PCDH15: variants seen among roughly 807,000 people sequenced by gnomAD.
The protein encoded by PCDH15 is protocadherin-15.
Under a neutral mutation model 178.5 loss-of-function variants are expected in PCDH15, and 129 were observed. The ratio of observed to expected loss-of-function variants is 0.72; its 90% CI spans 0.63 to 0.84. PCDH15 has a LOEUF of 0.84. PCDH15 is among the 40% of genes least tolerant of loss of function. PCDH15 has a pLI of 0.00. For synonymous variants in PCDH15, 800 were observed against 732.0 expected (o/e 1.09, Z -1.50); for missense variants, 2,230 against 2,099.9 (o/e 1.06, Z -1.21).
intron 2 of PCDH15, among the ~76,000 whole-genome samples, chr10:55,442,503 A>ATATATAT (rs1839220582): frequency 1.5e-5 from 2 of 131,316 alleles, no homozygotes; most frequent in East Asian, 6.2e-4. Context: ...ATATATATGT[A>ATATATAT]AGCTGGGGCT....
At chr10:55,093,849 C>T (rs1842378707) in intron 2 of PCDH15, among the ~76,000 whole-genome samples, 1 of 152,096 alleles carries the variant, frequency 6.6e-6, no homozygotes, top group Admixed American at 6.6e-5. Context: ...GAGATACCAT[C>T]TCACACCAGT....
intron 21 of PCDH15, chr10:53,994,822 A>G (rs1316319512): frequency 6.6e-6 from 1 of 152,140 alleles, no homozygotes; most frequent in African/African-American, 2.4e-5. Context: ...TTCACTTTTA[A>G]TTAAATACAA....
intron 2 of PCDH15, among the ~76,000 whole-genome samples, chr10:55,568,035 A>G (rs1001353015): frequency 6.6e-6 from 1 of 152,068 alleles, no homozygotes; most frequent in African/African-American, 2.4e-5. Context: ...ATTCAACATG[A>G]AATTACCATA....
intron 2 of PCDH15, among the ~76,000 whole-genome samples, chr10:55,080,673 G>A (rs913891156): frequency 2.0e-5 from 3 of 152,110 alleles, no homozygotes; most frequent in Admixed American, 6.6e-5. Context: ...CTACCAGAGT[G>A]GGTAAGATCA....
At chr10:53,921,023 TTAAC>T (rs1296674950) in intron 25 of PCDH15, among the ~76,000 whole-genome samples, 1 of 152,218 alleles carries the variant, frequency 6.6e-6, no homozygotes, top group African/African-American at 2.4e-5. Context: ...TGGAAGCAAT[TTAAC>T]TACAACTACT....
intron 8 of PCDH15, among the ~76,000 whole-genome samples, chr10:54,263,862 G>A (rs930773848): frequency 6.6e-6 from 1 of 152,142 alleles, no homozygotes; most frequent in Non-Finnish European, 1.5e-5. Context: ...ACTAGGAGAG[G>A]CAGAACCACT....
intron 1 of PCDH15, among the ~76,000 whole-genome samples, chr10:55,297,691 G>A (rs1843167547): frequency 6.6e-6 from 1 of 152,064 alleles, no homozygotes; most frequent in South Asian, 2.1e-4. Context: ...CTTAAAGCTG[G>A]AAAACTGAAT....
chr10:55,621,051 T>G (rs2132170518), intron 2 of PCDH15, among the ~76,000 whole-genome samples: 1 of 152,136 alleles, frequency 6.6e-6, no homozygotes, highest in African/African-American at 2.4e-5. Context: ...AAAACCATTT[T>G]TAAACAGGAA....
At chr10:54,185,392 C>A in intron 11 of PCDH15, 124 bp from the exon 12 acceptor site, 2 of 1,089,072 alleles carry the variant, frequency 1.8e-6, no homozygotes, top group Non-Finnish European at 1.4e-6. Context: ...GAATTTCTAA[C>A]GATAAAAGAT....
intron 36 of PCDH15, 121 bp from the exon 37 acceptor site, chr10:53,810,785 T>TATCA (rs2075836610): frequency 2.3e-6 from 2 of 886,814 alleles, no homozygotes; most frequent in Non-Finnish European, 3.7e-6. Flanking sequence ...ACACAGCACC[T>TATCA]ATCAGGCTCC....
intron 34 of PCDH15, 127 bp downstream of exon 34, chr10:53,817,868 A>T (rs2076122135): frequency 2.5e-6 from 1 of 395,076 alleles, no homozygotes; most frequent in South Asian, 1.3e-4. Flanking sequence ...ATAGCATAAC[A>T]TACTAATATG....
chr10:53,806,488 A>G lies in PCDH15; in HGVS notation c.*91T>C. The G allele has an allele frequency of 5.3e-6, 6 of 1,133,268 alleles. No individual in the cohort carries two copies. Among genetic ancestry groups the G allele is most frequent in the Non-Finnish European group, 7.4e-6 (6 of 810,092 alleles). 70.2% of individuals were successfully genotyped at this position (1,133,268 alleles called of 1,614,324 possible). A position where few individuals can be genotyped will look rare whatever the true frequency, so the allele number is the denominator to read the frequency against. Reference sequence around the variant, plus strand: ...GTTTTAGCTTGTGTGCATGATATAAATTCCATACATTGTTTTCTCAGTGAC... The same window carrying G: ...GTTTTAGCTTGTGTGCATGATATAAGTTCCATACATTGTTTTCTCAGTGAC... On this transcript the variant is annotated 3_prime_UTR_variant, in exon 38 of 38. Coordinates refer to ENST00000644397, the MANE Select transcript of PCDH15 (RefSeq NM_001384140.1).
At chr10:54,454,612 G>A (rs2076699810) in intron 3 of PCDH15, among the ~76,000 whole-genome samples, 3 of 151,920 alleles carry the variant, frequency 2.0e-5, no homozygotes, top group Non-Finnish European at 2.9e-5. Flanking sequence ...ATGGTTCAAT[G>A]TGGTGTTTTA....
chr10:55,450,581 A>T (rs2132080235), intron 2 of PCDH15, among the ~76,000 whole-genome samples: 1 of 151,644 alleles, frequency 6.6e-6, no homozygotes, highest in Non-Finnish European at 1.5e-5. Flanking sequence ...ATGTTGTACA[A>T]TTTTTTTTTA....
At chr10:55,238,423 T>A (rs1192977084) in intron 1 of PCDH15, among the ~76,000 whole-genome samples, 3 of 152,128 alleles carry the variant, frequency 2.0e-5, no homozygotes, top group Non-Finnish European at 4.4e-5. Context: ...GTGCTGGGAT[T>A]AAAGGCGTGA....
chr10:54,163,024 G>A (rs952092798), intron 13 of PCDH15, among the ~76,000 whole-genome samples: 1 of 150,618 alleles, frequency 6.6e-6, no homozygotes, highest in Non-Finnish European at 1.5e-5. Context: ...GAACAGTAAA[G>A]TTATATGGTG....
At chr10:53,912,528 T>G (rs1183528676) in intron 25 of PCDH15, among the ~76,000 whole-genome samples, 3 of 152,160 alleles carry the variant, frequency 2.0e-5, no homozygotes, top group African/African-American at 7.2e-5. Flanking sequence ...ATGACATGAT[T>G]GTATATTTAG....
chr10:54,459,963 T>G (rs1260046899), intron 3 of PCDH15, among the ~76,000 whole-genome samples: 1 of 152,162 alleles, frequency 6.6e-6, no homozygotes, highest in Non-Finnish European at 1.5e-5. Context: ...TCTTTCTATT[T>G]GCCATTACTT....
At chr10:55,625,628 C>G (rs1196416318) in intron 2 of PCDH15, among the ~76,000 whole-genome samples, 3 of 152,126 alleles carry the variant, frequency 2.0e-5, no homozygotes, top group African/African-American at 7.2e-5. Context: ...TCAATAGTTA[C>G]AAATGAGATC....
Sources: gnomAD v4.1 joint callset for allele counts (sites outside exome capture counted in the v4.1 genomes callset) on GRCh38, gnomAD v4.1.1 for gene constraint, MANE v1.5 for transcripts, NCBI Gene and HGNC (gene_info 2026-07-23, HGNC 2026-07-21) for gene names.